The following KIF26B variants were observed in gnomAD, a reference collection of about 807,000 sequenced individuals.
KIF26B encodes kinesin-like protein KIF26B.
In KIF26B, 63 loss-of-function variants were observed where a neutral mutation model predicts 151.2. The observed-to-expected ratio is 0.42, with a 90% CI of 0.34 to 0.51. KIF26B has a LOEUF of 0.51. Among genes scored for constraint, KIF26B ranks in the 20% least tolerant of loss-of-function variants. The probability of loss-of-function intolerance (pLI) is 0.07; values close to 1 mark genes in which losing one functional copy is unlikely to be tolerated. For synonymous variants in KIF26B, 1,357 were observed against 1,262.1 expected (o/e 1.08, Z -1.59); for missense variants, 2,813 against 2,913.6 (o/e 0.97, Z 0.79).
At chr1:245,575,888 T>G (rs374727581) in intron 5 of KIF26B, among the ~76,000 whole-genome samples, 1 of 152,126 alleles carries the variant, frequency 6.6e-6, no homozygotes, top group Admixed American at 6.6e-5. Flanking sequence ...ACTCTCTCAT[T>G]TGCCTCCTCC....
At chr1:245,253,800 C>CTTTTTTTTTTTT (rs5782330) in intron 2 of KIF26B, among the ~76,000 whole-genome samples, 5 of 72,172 alleles carry the variant, frequency 6.9e-5, no homozygotes, top group African/African-American at 3.1e-4. Flanking sequence ...TGAAGTCCTG[C>CTTTTTTTTTTTT]TTTTTTTTTT....
intron 3 of KIF26B, among the ~76,000 whole-genome samples, chr1:245,388,129 G>A (rs111842163): frequency 9.2e-5 from 14 of 152,008 alleles, no homozygotes; most frequent in African/African-American, 2.9e-4. Flanking sequence ...AGGTGTTTTG[G>A]GTCAGAAACT....
intron 2 of KIF26B, among the ~76,000 whole-genome samples, chr1:245,253,982 T>C (rs1262110540): frequency 6.6e-6 from 1 of 151,864 alleles, no homozygotes; most frequent in Non-Finnish European, 1.5e-5. Context: ...GCTGATTTTT[T>C]TGTATTTTTA....
At chr1:245,384,829 A>T (rs1673502857) in intron 3 of KIF26B, among the ~76,000 whole-genome samples, 2 of 152,260 alleles carry the variant, frequency 1.3e-5, no homozygotes, top group Admixed American at 6.5e-5. Context: ...GACTTGAAAT[A>T]TTAAGGAAAT....
intron 4 of KIF26B, among the ~76,000 whole-genome samples, chr1:245,491,138 C>CTT (rs71563753): frequency 6.7e-6 from 1 of 148,494 alleles, no homozygotes; most frequent in African/African-American, 2.5e-5. Context: ...TTTGTTTATT[C>CTT]TTTTTTTTTT....
chr1:245,158,326 T>C (rs1036135923), intron 2 of KIF26B, among the ~76,000 whole-genome samples: 1 of 152,154 alleles, frequency 6.6e-6, no homozygotes, highest in Admixed American at 6.6e-5. Context: ...AGGAAACAAA[T>C]GTTGAAACTC....
intron 2 of KIF26B, among the ~76,000 whole-genome samples, chr1:245,323,130 A>G (rs1251814714): frequency 6.6e-6 from 1 of 152,226 alleles, no homozygotes; most frequent in African/African-American, 2.4e-5. Flanking sequence ...TAGCTTGTAT[A>G]TAAGTATCTC....
chr1:245,569,413 G>A (rs1200127801), intron 5 of KIF26B, among the ~76,000 whole-genome samples: 2 of 152,044 alleles, frequency 1.3e-5, no homozygotes, highest in Admixed American at 6.6e-5. Flanking sequence ...TTCAAGACAA[G>A]CCTGGGCAAC....
Position 245,687,123 on chromosome 1 carries a change from C to G in KIF26B, c.4140C>G (p.Ser1380Arg). The G allele has an allele frequency of 6.2e-7, 1 of 1,613,450 alleles. No homozygotes were observed. Among genetic ancestry groups the G allele is most frequent in the South Asian group, 1.1e-5 (1 of 91,032 alleles). Residue 1380 changes from serine (S) to arginine (R), a missense_variant, in exon 12 of 15, where the codon AGC (serine) becomes AGG (arginine). By Grantham distance (110) the Ser-to-Arg change is moderately radical. This residue lies in a region of KIF26B where 2,060 missense variants were observed against 2,088.6 expected (regional missense o/e 0.99). Coordinates refer to ENST00000407071, the MANE Select transcript of KIF26B (RefSeq NM_018012.4). This position sits in a 1 kb window ranked among gnomAD's most constrained non-coding sequence, Gnocchi z 4.9. Reference protein sequence around the residue: ...VTISNTANLSSCEGYIPMKTN... With the variant: ...VTISNTANLSRCEGYIPMKTN... ...TCTCCAACACGGCCAATCTGAGCAG[C>G]TGCGAGGGGTACATCCCCATGAAGA...
chr1:245,305,579 A>C (rs946209265), intron 2 of KIF26B, among the ~76,000 whole-genome samples: 2 of 152,254 alleles, frequency 1.3e-5, no homozygotes, highest in Non-Finnish European at 2.9e-5. Flanking sequence ...TAGAATAAAA[A>C]AGATAAACAA....
At chr1:245,465,412 A>G (rs113855086) in intron 4 of KIF26B, among the ~76,000 whole-genome samples, 1 of 113,078 alleles carries the variant, frequency 8.8e-6, no homozygotes, top group Non-Finnish European at 1.9e-5. Flanking sequence ...GGGGAGGGGG[A>G]AAAGCATCAC....
chr1:245,518,317 G>C (rs1418963863), intron 4 of KIF26B, among the ~76,000 whole-genome samples: 2 of 152,186 alleles, frequency 1.3e-5, no homozygotes, highest in African/African-American at 4.8e-5. Flanking sequence ...GGAAACAGTA[G>C]ATCATGGGTC....
At chr1:245,325,755 G>C (rs77208206) in intron 2 of KIF26B, among the ~76,000 whole-genome samples, 1 of 152,112 alleles carries the variant, frequency 6.6e-6, no homozygotes, top group African/African-American at 2.4e-5. Flanking sequence ...CCAGCCTTCT[G>C]ATTCTAGGAA....
intron 2 of KIF26B, among the ~76,000 whole-genome samples, chr1:245,298,457 A>C (rs12043715): frequency 6.6e-6 from 1 of 152,172 alleles, no homozygotes; most frequent in South Asian, 2.1e-4. Context: ...AGGCAAAATC[A>C]TAGAGAAAGA....
intron 10 of KIF26B, among the ~76,000 whole-genome samples, chr1:245,652,599 G>T (rs1380333996): frequency 2.0e-5 from 3 of 152,124 alleles, no homozygotes; most frequent in Non-Finnish European, 2.9e-5. Flanking sequence ...CATTAATTCT[G>T]CCAGGCTCAT....
rs764176072 is a variant in KIF26B, at chr1:245,688,251, C to T, written c.5268C>T (p.Leu1756=). The T allele has an allele frequency of 4.4e-6, 7 of 1,593,622 alleles. No individual in the cohort carries two copies. Among genetic ancestry groups the T allele is most frequent in the South Asian group, 1.1e-5 (1 of 90,620 alleles). ...RGPSASTTKT[L]SFSTKSLPQA... ...CGTCCGCCTCCACCACCAAAACCCTCAGCTTCTCCACCAAGTCCCTGCCGC... is the reference window on the plus strand; with the variant it reads ...CGTCCGCCTCCACCACCAAAACCCTTAGCTTCTCCACCAAGTCCCTGCCGC... Residue 1756 remains leucine (L), a synonymous_variant, in exon 12 of 15, where the codon CTC becomes CTT. Transcript: ENST00000407071.
intron 4 of KIF26B, among the ~76,000 whole-genome samples, chr1:245,537,996 T>C (rs985753800): frequency 6.6e-6 from 1 of 152,080 alleles, no homozygotes; most frequent in Non-Finnish European, 1.5e-5. Flanking sequence ...GAGGCCTCCA[T>C]CGTTAAGAAG....
intron 4 of KIF26B, among the ~76,000 whole-genome samples, chr1:245,538,104 C>A (rs1661526363): frequency 6.6e-6 from 1 of 152,164 alleles, no homozygotes; most frequent in Non-Finnish European, 1.5e-5. Flanking sequence ...GAAGGACCTA[C>A]TCACTGCTCT....
chr1:245,569,085 T>G (rs1012670207), intron 5 of KIF26B, among the ~76,000 whole-genome samples: 2 of 152,192 alleles, frequency 1.3e-5, no homozygotes, highest in African/African-American at 4.8e-5. Context: ...GAATATTCCT[T>G]GTCGTCAATG....
Sources: allele counts gnomAD v4.1 joint callset (sites outside exome capture counted in the v4.1 genomes callset), GRCh38; gene constraint gnomAD v4.1.1; regional missense constraint gnomAD v4.1.1; non-coding constraint Gnocchi (gnomAD v3.1); transcripts MANE v1.5; gene names NCBI Gene and HGNC (gene_info 2026-07-23, HGNC 2026-07-21).